Variants in SEMA5A observed in about 807,000 individuals in gnomAD.
The protein encoded by SEMA5A is semaphorin 5A, also known as semaphorin-5A.
Under a neutral mutation model 135.5 loss-of-function variants are expected in SEMA5A, and 55 were observed. That is an observed-to-expected ratio of 0.41 (90% confidence interval 0.33 to 0.51). The LOEUF (loss-of-function observed/expected upper bound fraction) is 0.51, where lower values mean the gene tolerates loss of function less well. Ranked by LOEUF, SEMA5A falls within the 20% of genes least tolerant of loss-of-function variation. The pLI is 0.37. For synonymous variants in SEMA5A, 580 were observed against 546.5 expected (o/e 1.06, Z -0.85); for missense variants, 1,290 against 1,419.9 (o/e 0.91, Z 1.47).
At chr5:9,293,880 G>T (rs2150591031) in intron 5 of SEMA5A, among the ~76,000 whole-genome samples, 1 of 152,240 alleles carries the variant, frequency 6.6e-6, no homozygotes, top group Admixed American at 6.5e-5. Flanking sequence ...TACTGTTGGT[G>T]GCCACATTAG....
chr5:9,281,823 C>CTT lies in SEMA5A; in HGVS notation c.270+36547_270+36548dup, dbSNP rs66509315. 6.5e-3 allele frequency among the ~76,000 whole-genome samples: 785 copies of CTT among 121,644 alleles called. 18 individuals are homozygous for CTT. The highest frequency in any genetic ancestry group is 0.019 in the African/African-American group (601 of 31,828). 79.8% of individuals were successfully genotyped at this position (121,644 alleles called of 152,430 possible). Reference sequence around the variant, plus strand: ...TCATAACCTCTTTGGGATACAGGCACTTTTTTTTTTTTTTTTTTTGAGACA... The same window carrying CTT: ...TCATAACCTCTTTGGGATACAGGCACTTTTTTTTTTTTTTTTTTTTTGAGACA... On this transcript the variant is annotated intron_variant, in intron 5 of 22. Transcript: ENST00000382496.
chr5:9,170,337 G>T (rs1743848034), intron 11 of SEMA5A, among the ~76,000 whole-genome samples: 1 of 152,120 alleles, frequency 6.6e-6, no homozygotes, highest in South Asian at 2.1e-4. Flanking sequence ...AGATACCCAT[G>T]CATGTCACTA....
At chr5:9,318,541 T>G in intron 4 of SEMA5A, 124 bp from the exon 5 acceptor site, 1 of 753,784 alleles carries the variant, frequency 1.3e-6, no homozygotes, top group Non-Finnish European at 2.1e-6. Context: ...TTTCTAAGAA[T>G]ATGTTCAGCA....
At chr5:9,096,410 G>GT (rs1415683683) in intron 16 of SEMA5A, among the ~76,000 whole-genome samples, 1 of 152,096 alleles carries the variant, frequency 6.6e-6, no homozygotes, top group Non-Finnish European at 1.5e-5. Flanking sequence ...GAGACCTTTT[G>GT]TTTTTTATAT....
intron 16 of SEMA5A, among the ~76,000 whole-genome samples, chr5:9,096,805 C>G (rs1739344005): frequency 6.6e-6 from 1 of 151,974 alleles, no homozygotes; most frequent in South Asian, 2.1e-4. Flanking sequence ...GAAATTTCTC[C>G]AAAGACATAA....
chr5:9,355,961 T>C (rs1175849653), intron 3 of SEMA5A, among the ~76,000 whole-genome samples: 3 of 152,216 alleles, frequency 2.0e-5, no homozygotes, highest in African/African-American at 7.2e-5. Context: ...ACGATTTTGA[T>C]CTTAGAATCA....
At chr5:9,540,983 G>C (rs1738051570) in intron 1 of SEMA5A, among the ~76,000 whole-genome samples, 1 of 152,212 alleles carries the variant, frequency 6.6e-6, no homozygotes, top group South Asian at 2.1e-4. Flanking sequence ...TTTGCAGACA[G>C]ATCACAGGAA....
At chr5:9,380,098 C>T in intron 2 of SEMA5A, 75 bp from the exon 3 acceptor site, 2 of 947,714 alleles carry the variant, frequency 2.1e-6, no homozygotes, top group East Asian at 2.6e-5. Context: ...GTAAAACTTC[C>T]TCACTAACTT....
At chr5:9,535,690 G>A (rs933739591) in intron 1 of SEMA5A, among the ~76,000 whole-genome samples, 11 of 152,248 alleles carry the variant, frequency 7.2e-5, no homozygotes, top group Middle Eastern at 3.4e-3. Flanking sequence ...GTAAGGAGGC[G>A]AAGGAAGTGA....
intron 17 of SEMA5A, among the ~76,000 whole-genome samples, chr5:9,064,100 A>G (rs1737327773): frequency 6.6e-6 from 1 of 152,152 alleles, no homozygotes; most frequent in Admixed American, 6.5e-5. Flanking sequence ...TACTTAGAAA[A>G]TCTGTTTCTG....
chr5:9,491,119 T>C lies in SEMA5A; in HGVS notation c.-174-53267A>G, dbSNP rs117446429. Among the ~76,000 whole-genome samples, 248 of 152,164 alleles carry C rather than the reference T, an allele frequency of 1.6e-3. 3 individuals carry two copies. The highest frequency in any genetic ancestry group is 0.015 in the East Asian group (76 of 5,154). On this transcript the variant is annotated intron_variant, in intron 1 of 22. Transcript: ENST00000382496. ...TCTATAGAATGTGGCCAGCACATTG[T>C]TCGCGATGTCCTCAAGTTCAGTTTT... is the stretch of plus-strand genomic sequence containing the variant.
At chr5:9,092,984 T>A (rs1561144672) in intron 16 of SEMA5A, among the ~76,000 whole-genome samples, 1 of 152,198 alleles carries the variant, frequency 6.6e-6, no homozygotes, top group Non-Finnish European at 1.5e-5. Context: ...ATTAGTAAGC[T>A]TTGAAACAAA....
At chr5:9,423,680 AG>A (rs1177137917) in intron 2 of SEMA5A, among the ~76,000 whole-genome samples, 1 of 152,230 alleles carries the variant, frequency 6.6e-6, no homozygotes, top group African/African-American at 2.4e-5. Flanking sequence ...TGAGCTTCAC[AG>A]GTTTGATCCT....
Position 9,429,324 on chromosome 5 carries a change from C to T in SEMA5A, c.-78+8432G>A, listed in dbSNP as rs1034772065. Reference sequence around the variant, plus strand: ...TATTACTCATGCGATTCAGAAAGTCCCAGAAAAATCCATCCATCAACCCAT... The same window carrying T: ...TATTACTCATGCGATTCAGAAAGTCTCAGAAAAATCCATCCATCAACCCAT... On this transcript the variant is annotated intron_variant, in intron 2 of 22. Coordinates refer to ENST00000382496, the MANE Select transcript of SEMA5A (RefSeq NM_003966.3). Among the ~76,000 whole-genome samples, 7 of 150,610 alleles carry T rather than the reference C, an allele frequency of 4.6e-5. 1 individual carries two copies. The East Asian group carries it at 7.9e-4, about 17-fold the overall frequency.
intron 10 of SEMA5A, among the ~76,000 whole-genome samples, chr5:9,196,099 C>T (rs941025642): frequency 6.6e-6 from 1 of 152,238 alleles, no homozygotes; most frequent in Non-Finnish European, 1.5e-5. Context: ...GGGTCTGGGA[C>T]TTGCTGGTGC....
chr5:9,394,106 C>A (rs1396876960), intron 2 of SEMA5A, among the ~76,000 whole-genome samples: 1 of 152,122 alleles, frequency 6.6e-6, no homozygotes, highest in Non-Finnish European at 1.5e-5. Context: ...GGAAGCTTCA[C>A]AGTAGTGCTA....
In SEMA5A at chr5:9,108,287, T is replaced by C. The variant is rs1258206324; in HGVS notation, c.1926A>G (p.Arg642=). The change falls in exon 16 of 23, where the codon AGA becomes AGG. Residue 642 remains arginine, a splice_region_variant and synonymous_variant. Coordinates refer to ENST00000382496, the MANE Select transcript of SEMA5A (RefSeq NM_003966.3). ...RVCVGQNREE[R]YCNEHLLCPP... is the part of the protein sequence containing the mutation. ...GACATAGCAAATGTTCATTGCAGTA[T>C]CTGTAATGAGGAAACCAAAATGACA... The C allele has an allele frequency of 4.3e-6, 7 of 1,613,934 alleles. No individual in the cohort carries two copies. Among genetic ancestry groups the C allele is most frequent in the Non-Finnish European group, 5.9e-6 (7 of 1,179,992 alleles).
At chr5:9,163,462 G>A (rs1743409426) in intron 11 of SEMA5A, among the ~76,000 whole-genome samples, 1 of 152,188 alleles carries the variant, frequency 6.6e-6, no homozygotes, top group East Asian at 1.9e-4. Context: ...CAATGTTTAA[G>A]TAGCTAACAT....
intron 3 of SEMA5A, among the ~76,000 whole-genome samples, chr5:9,375,313 A>G (rs1755320239): frequency 6.6e-6 from 1 of 152,116 alleles, no homozygotes; most frequent in Non-Finnish European, 1.5e-5. Flanking sequence ...GTCGTACTGG[A>G]TTAAGGTTAG....
Sources: gnomAD v4.1 joint callset for allele counts (sites outside exome capture counted in the v4.1 genomes callset) on GRCh38, gnomAD v4.1.1 for gene constraint, MANE v1.5 for transcripts, NCBI Gene and HGNC (gene_info 2026-07-23, HGNC 2026-07-21) for gene names.